CEP295: variants seen among roughly 807,000 people sequenced by gnomAD.
CEP295 encodes centrosomal protein of 295 kDa.
Under a neutral mutation model 291.6 loss-of-function variants are expected in CEP295, and 190 were observed. The observed-to-expected ratio is 0.65, with a 90% CI of 0.58 to 0.73. CEP295 has a LOEUF of 0.73. Among genes scored for constraint, CEP295 ranks in the 30% least tolerant of loss-of-function variants. CEP295 has a pLI of 0.00. For synonymous variants in CEP295, 993 were observed against 1,038.8 expected (o/e 0.96, Z 0.85); for missense variants, 2,863 against 2,949.4 (o/e 0.97, Z 0.68).
intron 5 of CEP295, 91 bp from the exon 6 acceptor site, chr11:93,675,480 A>T (rs1361765125): frequency 3.2e-6 from 2 of 632,288 alleles, no homozygotes; most frequent in South Asian, 5.3e-5. Context: ...CGGAGAACTC[A>T]TTAAAATACA....
chr11:93,695,434 G>C, intron 12 of CEP295, 63 bp from the exon 13 acceptor site: 1 of 1,101,720 alleles, frequency 9.1e-7, no homozygotes, highest in Non-Finnish European at 1.2e-6. Context: ...TAAATGGAAC[G>C]TGTGTTATCT....
At chr11:93,663,169 G>A (rs1337022934) in intron 1 of CEP295, among the ~76,000 whole-genome samples, 1 of 152,228 alleles carries the variant, frequency 6.6e-6, no homozygotes, top group Non-Finnish European at 1.5e-5. Context: ...CTGAGGCCAT[G>A]CTTCCCATGG....
Position 93,725,752 on chromosome 11 carries a change from C to T in CEP295, c.6420C>T (p.Asn2140=). 2 of 1,551,770 alleles carry T rather than the reference C, an allele frequency of 1.3e-6. No individual in the cohort carries two copies. Among genetic ancestry groups the T allele is most frequent in the Non-Finnish European group, 1.7e-6 (2 of 1,146,982 alleles). ...LRRTSMHSSL[N]TSPNQQPDTN... ...GGACCAGCATGCATTCTTCTCTTAACACAAGTCCGAATCAACAACCTGACA... is the reference window on the plus strand; with the variant it reads ...GGACCAGCATGCATTCTTCTCTTAATACAAGTCCGAATCAACAACCTGACA... Residue 2140 remains asparagine, a synonymous_variant, in exon 23 of 30, where the codon AAC becomes AAT. Coordinates refer to ENST00000325212, the MANE Select transcript of CEP295 (RefSeq NM_033395.2).
chr11:93,703,015 A>G, intron 17 of CEP295, 96 bp downstream of exon 17: 2 of 1,002,976 alleles, frequency 2.0e-6, no homozygotes, highest in Non-Finnish European at 2.9e-6. Flanking sequence ...CCAGGCTGGA[A>G]TGCAATGGTG....
Position 93,698,210 on chromosome 11 carries a change from T to G in CEP295, c.3298T>G (p.Ser1100Ala). 6.4e-7 allele frequency: 1 copy of G among 1,551,864 alleles called. No homozygotes were observed. Among genetic ancestry groups the G allele is most frequent in the Non-Finnish European group, 8.7e-7 (1 of 1,146,976 alleles). ...CAGTAAGTCTGGGCTGGTGAGCTCT[T>G]CATCCTCACCAGTGGTTGTTCAGCA... is the stretch of plus-strand genomic sequence containing the variant. ...GDSKSGLVSS[S>A]SSPVVVQHSV... Residue 1100 changes from serine to alanine, a missense_variant, in exon 15 of 30, where the codon TCA (serine) becomes GCA (alanine). Ser to Ala is a moderately conservative substitution (Grantham distance 99, BLOSUM62 1). Transcript: ENST00000325212.
intron 18 of CEP295, among the ~76,000 whole-genome samples, chr11:93,720,892 T>C (rs978688749): frequency 2.2e-4 from 33 of 152,308 alleles, no homozygotes; most frequent in African/African-American, 7.5e-4. Flanking sequence ...CCACCGCACC[T>C]GGCCCTGGTG....
chr11:93,679,585 C>A, intron 7 of CEP295, 33 bp downstream of exon 7: 2 of 1,533,752 alleles, frequency 1.3e-6, no homozygotes, highest in Non-Finnish European at 1.8e-6. Flanking sequence ...GACCATTACT[C>A]ATGGACTTAC....
intron 18 of CEP295, among the ~76,000 whole-genome samples, chr11:93,708,871 T>C (rs1952700289): frequency 6.6e-6 from 1 of 152,196 alleles, no homozygotes; most frequent in South Asian, 2.1e-4. Context: ...AAAGTAGTTT[T>C]GATTAGCATT....
chr11:93,729,010 T>C, intron 25 of CEP295, 189 bp downstream of exon 25: 1 of 548,236 alleles, frequency 1.8e-6, no homozygotes, highest in South Asian at 2.7e-5. Context: ...TTTCTTTTAA[T>C]CCCCACTCCA....
rs1224327912 is a variant in CEP295, at chr11:93,702,444, A to T, written c.5275-16A>T. 1.3e-6 allele frequency: 2 copies of T among 1,508,790 alleles called. No homozygotes were observed. The highest frequency in any genetic ancestry group is 4.7e-5 in the Admixed American group (2 of 42,720). 93.5% of individuals were successfully genotyped at this position (1,508,790 alleles called of 1,614,324 possible). On this transcript the variant is annotated splice_polypyrimidine_tract_variant and intron_variant, in intron 15 of 29. Transcript: ENST00000325212. ...CCCCAACTTGTGCTTCCCCACCCTCATCTCCACTTTTTCAGATAAGTAAGC... is the reference window on the plus strand; with the variant it reads ...CCCCAACTTGTGCTTCCCCACCCTCTTCTCCACTTTTTCAGATAAGTAAGC...
intron 18 of CEP295, among the ~76,000 whole-genome samples, chr11:93,708,293 A>G (rs990893561): frequency 4.6e-5 from 7 of 152,064 alleles, no homozygotes; most frequent in Non-Finnish European, 8.8e-5. Flanking sequence ...CACTCCCCCA[A>G]CGACCCCCAA....
chr11:93,684,392 A>G (rs1191671147), intron 9 of CEP295, among the ~76,000 whole-genome samples: 1 of 152,184 alleles, frequency 6.6e-6, no homozygotes, highest in African/African-American at 2.4e-5. Context: ...TTCTGAATTC[A>G]TTAGAAAGGT....
chr11:93,680,537 T>C (rs139979063), intron 7 of CEP295, among the ~76,000 whole-genome samples: 222 of 152,252 alleles, frequency 1.5e-3, no homozygotes, highest in African/African-American at 5.1e-3. Flanking sequence ...TGGGACCTCA[T>C]TTCCCGAGAA....
intron 9 of CEP295, among the ~76,000 whole-genome samples, chr11:93,684,335 G>A (rs561221988): frequency 4.6e-5 from 7 of 152,246 alleles, no homozygotes; most frequent in South Asian, 2.1e-4. Context: ...TTATTCAGAC[G>A]TACAGATGAT....
intron 18 of CEP295, among the ~76,000 whole-genome samples, chr11:93,708,191 G>T (rs1180344333): frequency 6.6e-6 from 1 of 152,012 alleles, no homozygotes; most frequent in East Asian, 1.9e-4. Flanking sequence ...TTCAATTATA[G>T]TTTTAGTTAT....
chr11:93,706,652 A>T (rs1246736815), intron 17 of CEP295, 93 bp from the exon 18 acceptor site: 9 of 1,076,476 alleles, frequency 8.4e-6, no homozygotes, highest in African/African-American at 1.6e-5. Flanking sequence ...AGTCTTTAAG[A>T]GCTTAGATTT....
chr11:93,702,443 C>T lies in CEP295; in HGVS notation c.5275-17C>T. 6.6e-7 allele frequency: 1 copy of T among 1,507,472 alleles called. No individual in the cohort carries two copies. 93.4% of individuals were successfully genotyped at this position (1,507,472 alleles called of 1,614,324 possible). A position where few individuals can be genotyped will look rare whatever the true frequency, so the allele number is the denominator to read the frequency against. ...CCCCCAACTTGTGCTTCCCCACCCTCATCTCCACTTTTTCAGATAAGTAAG... is the reference window on the plus strand; with the variant it reads ...CCCCCAACTTGTGCTTCCCCACCCTTATCTCCACTTTTTCAGATAAGTAAG... On this transcript the variant is annotated splice_polypyrimidine_tract_variant and intron_variant, in intron 15 of 29. Transcript: ENST00000325212.
intron 18 of CEP295, among the ~76,000 whole-genome samples, chr11:93,712,679 A>T (rs144379717): frequency 6.6e-6 from 1 of 152,186 alleles, no homozygotes; most frequent in Non-Finnish European, 1.5e-5. Flanking sequence ...TCTTGTAGGT[A>T]ACAGATCATT....
Position 93,727,597 on chromosome 11 carries a change from G to C in CEP295, c.7121G>C (p.Ser2374Thr). ...CTAGGAGAATCAGAGCTTTTTGCAAGTTCTGGATCATTTTCATTACAGAGC... is the reference window on the plus strand; with the variant it reads ...CTAGGAGAATCAGAGCTTTTTGCAACTTCTGGATCATTTTCATTACAGAGC... Reference protein sequence around the residue: ...SQLGESELFASSGSFSLQSSI... With the variant: ...SQLGESELFATSGSFSLQSSI... Residue 2374 changes from serine (S) to threonine (T), a missense_variant, in exon 24 of 30, where the codon AGT becomes ACT. Ser to Thr is a moderately conservative substitution (Grantham distance 58, BLOSUM62 1). Around this residue, in one of 3 missense-constraint regions of CEP295, gnomAD observed 2,295 missense variants for 2,335.7 expected, o/e 0.98. Transcript: ENST00000325212. 1 of 1,550,068 alleles carries C rather than the reference G, an allele frequency of 6.5e-7. No homozygotes were observed. Among genetic ancestry groups the C allele is most frequent in the Non-Finnish European group, 8.7e-7 (1 of 1,146,546 alleles).
Sources: gnomAD v4.1 joint callset for allele counts (sites outside exome capture counted in the v4.1 genomes callset) on GRCh38, gnomAD v4.1.1 for gene constraint, gnomAD v4.1.1 regional missense constraint, MANE v1.5 for transcripts, NCBI Gene and HGNC (gene_info 2026-07-23, HGNC 2026-07-21) for gene names.